The following SGIP1 variants were observed in gnomAD, a reference collection of about 807,000 sequenced individuals.
SGIP1 encodes the protein SH3-containing GRB2-like protein 3-interacting protein 1.
Under a neutral mutation model 107.5 loss-of-function variants are expected in SGIP1, and 38 were observed. The ratio of observed to expected loss-of-function variants is 0.35; its 90% CI spans 0.27 to 0.46. The LOEUF (loss-of-function observed/expected upper bound fraction) is 0.46, where lower values mean the gene tolerates loss of function less well. Ranked by LOEUF, SGIP1 falls within the 20% of genes least tolerant of loss-of-function variation. The pLI, the probability that SGIP1 is intolerant of heterozygous loss-of-function variation, is 1.00. For missense variants in SGIP1, 929 were observed against 1,019.5 expected, an observed-to-expected ratio of 0.91 and a Z score of 1.21; for synonymous variants, 365 against 366.1, an observed-to-expected ratio of 1.00 and a Z score of 0.03.
chr1:66,683,686 T>C (rs1387694703), intron 15 of SGIP1, among the ~76,000 whole-genome samples: 1 of 149,464 alleles, frequency 6.7e-6, no homozygotes, highest in East Asian at 2.0e-4. Context: ...CCACACTGTT[T>C]GTTTGTTTCT....
At chr1:66,695,602 C>G in intron 18 of SGIP1, 109 bp downstream of exon 18, 2 of 1,035,828 alleles carry the variant, frequency 1.9e-6, no homozygotes, top group East Asian at 2.6e-5. Flanking sequence ...GTCTCACTTT[C>G]TATATGAAAA....
intron 1 of SGIP1, among the ~76,000 whole-genome samples, chr1:66,578,522 G>A (rs944198663): frequency 2.0e-5 from 3 of 152,144 alleles, no homozygotes; most frequent in Non-Finnish European, 4.4e-5. Flanking sequence ...GGTAGGTAAA[G>A]CAATTGTTTT....
chr1:66,618,109 A>G (rs17436311), intron 1 of SGIP1, among the ~76,000 whole-genome samples: 19,484 of 152,296 alleles, frequency 0.13, 1,337 homozygotes, highest in Admixed American at 0.18. Flanking sequence ...AAACATCACA[A>G]CTACTCAGTA....
chr1:66,699,710 C>T (rs934184381), intron 18 of SGIP1, among the ~76,000 whole-genome samples: 3 of 152,152 alleles, frequency 2.0e-5, no homozygotes, highest in African/African-American at 7.2e-5. Context: ...CTGTCCTGGG[C>T]ACTCCTTACT....
intron 18 of SGIP1, among the ~76,000 whole-genome samples, chr1:66,700,616 AC>A (rs2091765144): frequency 1.4e-5 from 2 of 148,028 alleles, no homozygotes; most frequent in Non-Finnish European, 3.0e-5. Flanking sequence ...ATACATGTGT[AC>A]TATGTATAAT....
intron 8 of SGIP1, among the ~76,000 whole-genome samples, chr1:66,667,136 T>C (rs1425114166): frequency 6.6e-6 from 1 of 152,152 alleles, no homozygotes; most frequent in East Asian, 1.9e-4. Context: ...TTTGCTAACA[T>C]CCAGCTCTGT....
At chr1:66,650,447 T>C (rs1397213879) in intron 7 of SGIP1, among the ~76,000 whole-genome samples, 1 of 152,158 alleles carries the variant, frequency 6.6e-6, no homozygotes, top group Non-Finnish European at 1.5e-5. Context: ...TACTGAACAG[T>C]CTGAGAAAAC....
chr1:66,677,198 A>G, intron 13 of SGIP1, 102 bp downstream of exon 13: 1 of 843,990 alleles, frequency 1.2e-6, no homozygotes, highest in Non-Finnish European at 1.9e-6. Context: ...TGTAAGCAAC[A>G]TTAGAACTGA....
chr1:66,569,354 T>C (rs1457730279), intron 1 of SGIP1, among the ~76,000 whole-genome samples: 1 of 151,936 alleles, frequency 6.6e-6, no homozygotes, highest in Non-Finnish European at 1.5e-5. Flanking sequence ...AATGCTTTGT[T>C]AGCTGTAGGT....
At chr1:66,731,053 G>A (rs1039999230) in intron 20 of SGIP1, among the ~76,000 whole-genome samples, 3 of 152,126 alleles carry the variant, frequency 2.0e-5, no homozygotes, top group African/African-American at 7.2e-5. Context: ...TTGTGCCAAC[G>A]TAATAAATTC....
In SGIP1 at chr1:66,744,132, TCC is replaced by T. The variant is rs1204885897; in HGVS notation, c.*1038_*1039del. ...ACTGAGAATTTTAGGGAAAAAAAAG[TCC>T]ACTGTTTAGATCCAGAAGGAGAGTT... On this transcript the variant is annotated 3_prime_UTR_variant, in exon 25 of 25. Coordinates refer to ENST00000371037, the MANE Select transcript of SGIP1 (RefSeq NM_032291.4). 1.3e-5 allele frequency: 2 copies of T among 152,154 alleles called. No individual in the cohort carries two copies. The allele number at this position is 152,154 out of a possible 1,614,324, so 9.4% of individuals were successfully genotyped here. A position where few individuals can be genotyped will look rare whatever the true frequency, so the allele number is the denominator to read the frequency against.
chr1:66,633,465 G>A (rs769000838), intron 3 of SGIP1, among the ~76,000 whole-genome samples: 1 of 152,168 alleles, frequency 6.6e-6, no homozygotes, highest in Non-Finnish European at 1.5e-5. Flanking sequence ...TTGTAATGAA[G>A]CTGAGATCCA....
chr1:66,581,169 C>T (rs1036554275), intron 1 of SGIP1, among the ~76,000 whole-genome samples: 3 of 152,064 alleles, frequency 2.0e-5, no homozygotes, highest in Admixed American at 1.3e-4. Context: ...CTGTTTTAGA[C>T]CAATAAACCC....
At chr1:66,663,272 A>C (rs2081908602) in intron 8 of SGIP1, among the ~76,000 whole-genome samples, 1 of 152,104 alleles carries the variant, frequency 6.6e-6, no homozygotes, top group African/African-American at 2.4e-5. Flanking sequence ...GCAACTCTGG[A>C]CATAGATCTC....
At chr1:66,681,827 A>C (rs1235723292) in intron 14 of SGIP1, 42 bp from the exon 15 acceptor site, 1 of 1,564,166 alleles carries the variant, frequency 6.4e-7, no homozygotes, top group Non-Finnish European at 8.7e-7. Flanking sequence ...CCACACAAAT[A>C]ATAAGTCAAT....
chr1:66,593,620 C>A (rs896450036), intron 1 of SGIP1, among the ~76,000 whole-genome samples: 1 of 152,140 alleles, frequency 6.6e-6, no homozygotes, highest in African/African-American at 2.4e-5. Flanking sequence ...AAAAGAGACC[C>A]AGCTTAGCAG....
intron 1 of SGIP1, among the ~76,000 whole-genome samples, chr1:66,535,847 T>G (rs1210954857): frequency 6.6e-6 from 1 of 152,218 alleles, no homozygotes; most frequent in Non-Finnish European, 1.5e-5. Context: ...ATTATCTTCT[T>G]CAGAAAAAAT....
intron 1 of SGIP1, among the ~76,000 whole-genome samples, chr1:66,574,674 C>T (rs1166293602): frequency 4.6e-5 from 7 of 152,130 alleles, no homozygotes; most frequent in Non-Finnish European, 1.5e-5. Flanking sequence ...CTTGTTACTT[C>T]CCCTTCTCGG....
chr1:66,690,392 C>G (rs2089551691), intron 17 of SGIP1, 76 bp downstream of exon 17: 2 of 1,565,022 alleles, frequency 1.3e-6, no homozygotes, highest in Non-Finnish European at 1.7e-6. Flanking sequence ...ATCCCCAAGG[C>G]CCTGTGTTTC....
Sources: gnomAD v4.1 joint callset for allele counts (sites outside exome capture counted in the v4.1 genomes callset) on GRCh38, gnomAD v4.1.1 for gene constraint, MANE v1.5 for transcripts, NCBI Gene and HGNC (gene_info 2026-07-23, HGNC 2026-07-21) for gene names.